The following FOXK1 variants were observed in gnomAD, a reference collection of about 807,000 sequenced individuals.
The protein encoded by FOXK1 is forkhead box protein K1.
In FOXK1, 19 loss-of-function variants were observed where a neutral mutation model predicts 51.9. The observed-to-expected ratio is 0.37, with a 90% CI of 0.26 to 0.54. The LOEUF is 0.54. FOXK1 is among the 20% of genes least tolerant of loss of function. The pLI is 0.87. For missense variants in FOXK1, 870 were observed against 1,032.7 expected (o/e 0.84, Z 2.16); for synonymous variants, 537 against 482.6 (o/e 1.11, Z -1.48).
At position 4,682,889 on chromosome 7, in the gene FOXK1, C is replaced by T; in HGVS notation, c.560+21C>T. On this transcript the variant is annotated intron_variant, in intron 1 of 8. Transcript: ENST00000328914. The surrounding 1 kb of genome is among the most constrained non-coding windows in gnomAD (Gnocchi z 7.6). ...AAGCAGTGAGTGGCCCCGCGACCCC[C>T]GCCGCCCGCACCCGGGGCTCGCCCA... 6.9e-7 allele frequency: 1 copy of T among 1,440,180 alleles called. No individual in the cohort carries two copies. Among genetic ancestry groups the T allele is most frequent in the Non-Finnish European group, 9.1e-7 (1 of 1,094,432 alleles). The allele number at this position is 1,440,180 out of a possible 1,614,324, so 89.2% of individuals were successfully genotyped here.
chr7:4,717,464 AGGCATGTGG>A (rs1174486491), intron 1 of FOXK1, among the ~76,000 whole-genome samples: 4,882 of 55,678 alleles, frequency 0.088, 270 homozygotes, highest in African/African-American at 0.31. Flanking sequence ...TGTGGCTGGG[AGGCATGTGG>A]CTGGGAGGCA....
chr7:4,712,659 C>T (rs903316452), intron 1 of FOXK1, among the ~76,000 whole-genome samples: 2 of 152,164 alleles, frequency 1.3e-5, no homozygotes, highest in African/African-American at 2.4e-5. Context: ...AGTGTACCAG[C>T]GATCAGGCTT....
At position 4,712,813 on chromosome 7, in the gene FOXK1, G is replaced by A. The variant is rs569425594; in HGVS notation, c.561-28025G>A. On this transcript the variant is annotated intron_variant, in intron 1 of 8. Coordinates refer to ENST00000328914, the MANE Select transcript of FOXK1 (RefSeq NM_001037165.2). The stretch of plus-strand genomic sequence containing the variant: ...AATACTGCTCAAACAGCCAGGGCAG[G>A]GTTTATTGACACACAGCGGCGTGAT... Among the ~76,000 whole-genome samples the A allele has an allele frequency of 5.3e-5, 8 of 152,292 alleles. 1 individual carries two copies. In the South Asian group the frequency reaches 6.2e-4, roughly 12 times the overall value.
chr7:4,740,246 C>T (rs1780614901), intron 1 of FOXK1, among the ~76,000 whole-genome samples: 1 of 152,000 alleles, frequency 6.6e-6, no homozygotes, highest in African/African-American at 2.4e-5. Context: ...CTGGCTAACA[C>T]AGTGAAACCC....
chr7:4,766,833 G>A lies in FOXK1; in HGVS notation c.*4369G>A, dbSNP rs1020700464. On this transcript the variant is annotated 3_prime_UTR_variant, in exon 9 of 9. Transcript: ENST00000328914. The surrounding 1 kb of genome is among the most constrained non-coding windows in gnomAD (Gnocchi z 5.5). ...CTCCCTGGAGCACCCCCGGGGAGCT[G>A]GGACTCTCCAGAAAGCCCCGGGTGA... 3 of 152,260 alleles carry A rather than the reference G, an allele frequency of 2.0e-5. No individual in the cohort carries two copies. Among genetic ancestry groups the A allele is most frequent in the African/African-American group, 7.2e-5 (3 of 41,466 alleles). 9.4% of individuals were successfully genotyped at this position (152,260 alleles called of 1,614,324 possible).
At position 4,715,156 on chromosome 7, in the gene FOXK1, C is replaced by A. The variant is rs944515271; in HGVS notation, c.561-25682C>A. On this transcript the variant is annotated intron_variant, in intron 1 of 8. Transcript: ENST00000328914. The surrounding 1 kb of genome is among the most constrained non-coding windows in gnomAD (Gnocchi z 4.5). ...TGCACGGTGGAATTGTGATACGGTA[C>A]ATGGTGGAACTGTGACGATACGGGG... is the stretch of plus-strand genomic sequence containing the variant. Among the ~76,000 whole-genome samples the A allele has an allele frequency of 3.3e-5, 5 of 152,022 alleles. No individual in the cohort carries two copies. The highest frequency in any genetic ancestry group is 1.2e-4 in the African/African-American group (5 of 41,380).
intron 1 of FOXK1, among the ~76,000 whole-genome samples, chr7:4,700,703 C>G (rs560502188): frequency 6.6e-6 from 1 of 152,152 alleles, no homozygotes; most frequent in East Asian, 1.9e-4. Flanking sequence ...GTGGTACGAG[C>G]TACTCGGGAG....
At position 4,729,313 on chromosome 7, in the gene FOXK1, C is replaced by T. The variant is rs1052209842; in HGVS notation, c.561-11525C>T. ...CTGCTAGAAATGCAGATCGCTGGGG[C>T]CACCGCCGTTTGGCCGTGTCAGTCA... On this transcript the variant is annotated intron_variant, in intron 1 of 8. Coordinates refer to ENST00000328914, the MANE Select transcript of FOXK1 (RefSeq NM_001037165.2). The surrounding 1 kb of genome is among the most constrained non-coding windows in gnomAD (Gnocchi z 6.2). Among the ~76,000 whole-genome samples the T allele has an allele frequency of 6.6e-6, 1 of 152,174 alleles. No homozygotes were observed. The highest frequency in any genetic ancestry group is 2.1e-4 in the South Asian group (1 of 4,836).
At chr7:4,760,950 T>A (rs1780923185) in intron 7 of FOXK1, 114 bp from the exon 8 acceptor site, 10 of 945,578 alleles carry the variant, frequency 1.1e-5, no homozygotes, top group African/African-American at 1.6e-5. Context: ...GCAAACCTAT[T>A]TTTTCCCAGT....
chr7:4,752,136 AC>A (rs1445471453), intron 2 of FOXK1, among the ~76,000 whole-genome samples: 1 of 151,984 alleles, frequency 6.6e-6, no homozygotes, highest in African/African-American at 2.4e-5. Flanking sequence ...AAATGTTAAA[AC>A]TTTGTTTATT....
In FOXK1 at chr7:4,762,527, G is replaced by T; in HGVS notation, c.*63G>T. 1 of 1,474,398 alleles carries T rather than the reference G, an allele frequency of 6.8e-7. No individual in the cohort carries two copies. The highest frequency in any genetic ancestry group is 2.4e-4 in the Middle Eastern group (1 of 4,082). The allele number at this position is 1,474,398 out of a possible 1,614,324, so 91.3% of individuals were successfully genotyped here. A position where few individuals can be genotyped will look rare whatever the true frequency, so the allele number is the denominator to read the frequency against. ...GGCGACCCCGAAGCTGGACCCGGCA[G>T]CTCAGGCGGCCGCACCCACAGACGG... On this transcript the variant is annotated 3_prime_UTR_variant, in exon 9 of 9. Transcript: ENST00000328914. This position sits in a 1 kb window ranked among gnomAD's most constrained non-coding sequence, Gnocchi z 5.7.
intron 5 of FOXK1, 77 bp downstream of exon 5, chr7:4,757,264 G>C: frequency 7.6e-7 from 1 of 1,319,556 alleles, no homozygotes; most frequent in Non-Finnish European, 1.0e-6. Flanking sequence ...ACGTGGCGCA[G>C]TCAGCCCTCC....
chr7:4,741,409 A>G (rs541196597), intron 2 of FOXK1, among the ~76,000 whole-genome samples: 1 of 151,888 alleles, frequency 6.6e-6, no homozygotes, highest in African/African-American at 2.4e-5. Context: ...GCTCACTGCA[A>G]CCTCCACCTC....
chr7:4,689,691 A>G (rs1487679487), intron 1 of FOXK1, among the ~76,000 whole-genome samples: 1 of 152,268 alleles, frequency 6.6e-6, no homozygotes, highest in Non-Finnish European at 1.5e-5. Context: ...TATACGTTGT[A>G]TAACCATCAT....
chr7:4,739,733 C>G (rs1049371723), intron 1 of FOXK1, among the ~76,000 whole-genome samples: 3 of 152,236 alleles, frequency 2.0e-5, no homozygotes, highest in Non-Finnish European at 4.4e-5. Context: ...CTCCCGCCTG[C>G]CGGAGCAGGG....
chr7:4,770,389 G>T lies in FOXK1; in HGVS notation c.*7925G>T, dbSNP rs141169810. ...TACTAAAAATACAAAAAATTAGCCAGGCGTGGTGGCGTGTGCCTGTAATCC... is the reference window on the plus strand; with the variant it reads ...TACTAAAAATACAAAAAATTAGCCATGCGTGGTGGCGTGTGCCTGTAATCC... On this transcript the variant is annotated 3_prime_UTR_variant, in exon 9 of 9. Transcript: ENST00000328914. The T allele has an allele frequency of 6.6e-6, 1 of 152,150 alleles. No individual in the cohort carries two copies. Among genetic ancestry groups the T allele is most frequent in the African/African-American group, 2.4e-5 (1 of 41,390 alleles). The allele number at this position is 152,150 out of a possible 1,614,324, so 9.4% of individuals were successfully genotyped here.
rs371668982 is a variant in FOXK1 at position 4,742,390 on chromosome 7, C to A, written c.746+1367C>A. ...CCTTGGCTTGCTTTTTTCTTTTTTT[C>A]CTCTTGCAGCTGTAGGAGAAGAAAG... On this transcript the variant is annotated intron_variant, in intron 2 of 8. Coordinates refer to ENST00000328914, the MANE Select transcript of FOXK1 (RefSeq NM_001037165.2). Among the ~76,000 whole-genome samples, 5 of 152,082 alleles carry A rather than the reference C, an allele frequency of 3.3e-5. No homozygotes were observed. The East Asian group carries it at 9.7e-4, about 29-fold the overall frequency.
Position 4,709,604 on chromosome 7 carries a change from A to AGG in FOXK1, c.560+26739_560+26740dup, listed in dbSNP as rs1201249220. Among the ~76,000 whole-genome samples the AGG allele has an allele frequency of 6.6e-6, 1 of 152,210 alleles. No individual in the cohort carries two copies. The highest frequency in any genetic ancestry group is 1.5e-5 in the Non-Finnish European group (1 of 68,034). ...GCAGGCCTGTGTGGTCTGCTAGAAA[A>AGG]GGGGAGGTTGCAGAAGATTTTAACT... On this transcript the variant is annotated intron_variant, in intron 1 of 8. Coordinates refer to ENST00000328914, the MANE Select transcript of FOXK1 (RefSeq NM_001037165.2). This position sits in a 1 kb window ranked among gnomAD's most constrained non-coding sequence, Gnocchi z 5.6.
chr7:4,694,332 A>G (rs773985782), intron 1 of FOXK1, among the ~76,000 whole-genome samples: 9 of 152,326 alleles, frequency 5.9e-5, no homozygotes, highest in Non-Finnish European at 8.8e-5. Context: ...TTGGATAAAC[A>G]TAAAAATTCA....
Sources: gnomAD v4.1 joint callset for allele counts (sites outside exome capture counted in the v4.1 genomes callset) on GRCh38, gnomAD v4.1.1 for gene constraint, Gnocchi (gnomAD v3.1) non-coding constraint, MANE v1.5 for transcripts, NCBI Gene and HGNC (gene_info 2026-07-23, HGNC 2026-07-21) for gene names.